The following SPATA7 variants were observed in gnomAD, a reference collection of about 807,000 sequenced individuals.
SPATA7 encodes the protein spermatogenesis associated 7.
Under a neutral mutation model 51.8 loss-of-function variants are expected in SPATA7, and 43 were observed. That is an observed-to-expected ratio of 0.83 (90% CI 0.65 to 1.07). The LOEUF (loss-of-function observed/expected upper bound fraction) is 1.07, where lower values mean the gene tolerates loss of function less well. Among genes scored for constraint, SPATA7 ranks in the 50% least tolerant of loss-of-function variants. The pLI is 0.00. For synonymous variants in SPATA7, 230 were observed against 252.8 expected (o/e 0.91, Z 0.86); for missense variants, 683 against 701.3 (o/e 0.97, Z 0.30).
chr14:88,446,834 C>T (rs1473388826), intron 3 of SPATA7, among the ~76,000 whole-genome samples: 1 of 151,706 alleles, frequency 6.6e-6, no homozygotes, highest in Non-Finnish European at 1.5e-5. Context: ...TTTGATTGCA[C>T]TGTGGTCTGA....
chr14:88,460,709 T>C (rs146484494), intron 4 of SPATA7, among the ~76,000 whole-genome samples: 5,780 of 152,278 alleles, frequency 0.038, 360 homozygotes, highest in African/African-American at 0.13. Flanking sequence ...TCTCTCAACT[T>C]GTCAAAGTCA....
At chr14:88,436,618 G>T (rs2077095212) in intron 10 of SPATA7, among the ~76,000 whole-genome samples, 1 of 152,042 alleles carries the variant, frequency 6.6e-6, no homozygotes, top group Non-Finnish European at 1.5e-5. Context: ...AGAGATAGGG[G>T]TCTAGTTTCA....
At chr14:88,448,741 GC>G (rs1214394993) in intron 3 of SPATA7, among the ~76,000 whole-genome samples, 1 of 152,116 alleles carries the variant, frequency 6.6e-6, no homozygotes, top group African/African-American at 2.4e-5. Context: ...GGAGTACCCA[GC>G]CGTGTGAGGT....
At chr14:88,458,415 C>T (rs867078364), downstream of SPATA7, among the ~76,000 whole-genome samples, 2 of 152,288 alleles carry the variant, frequency 1.3e-5, no homozygotes, top group South Asian at 2.1e-4. Context: ...TGTTATTGGT[C>T]TATTCAGAGA....
intron 5 of SPATA7, among the ~76,000 whole-genome samples, chr14:88,419,500 G>A (rs1203700293): frequency 6.8e-6 from 1 of 147,332 alleles, no homozygotes. Flanking sequence ...AGTATTTGGT[G>A]GGTCAGATTA....
Position 88,426,229 on chromosome 14 carries a change from T to TA in SPATA7, c.373-2dup, listed in dbSNP as rs1331276044. On this transcript the variant is annotated splice_region_variant and splice_polypyrimidine_tract_variant and intron_variant, in intron 5 of 11. Coordinates refer to ENST00000393545, the MANE Select transcript of SPATA7 (RefSeq NM_018418.5). ...TGATGACTGTCATATCGAATGTTCT[T>TA]AGCCCTCAGGCGAACCGCAAATTGA... 5 of 1,610,384 alleles carry TA rather than the reference T, an allele frequency of 3.1e-6. No homozygotes were observed. The highest frequency in any genetic ancestry group is 4.2e-6 in the Non-Finnish European group (5 of 1,177,008).
intron 3 of SPATA7, among the ~76,000 whole-genome samples, chr14:88,444,725 C>T (rs935467378): frequency 5.3e-5 from 8 of 152,162 alleles, no homozygotes; most frequent in African/African-American, 1.9e-4. Context: ...TTCCCAGCAC[C>T]ATTTATTAAA....
In SPATA7 at chr14:88,437,559, T is replaced by A; in HGVS notation, c.1177T>A (p.Phe393Ile). Reference protein sequence around the residue: ...LFSNRFLERLFERHIKQNKHL... With the variant: ...LFSNRFLERLIERHIKQNKHL... ...CATTTGTAGGTTTTTAGAACGACTG[T>A]TCGAGCGACATATAAAACAAAATAA... is the stretch of plus-strand genomic sequence containing the variant. Residue 393 changes from phenylalanine to isoleucine, a missense_variant, in exon 11 of 12, where the codon TTC becomes ATC. By Grantham distance (21) the Phe-to-Ile change is conservative. Transcript: ENST00000393545. 6.2e-7 allele frequency: 1 copy of A among 1,611,174 alleles called. No homozygotes were observed. Among genetic ancestry groups the A allele is most frequent in the Non-Finnish European group, 8.5e-7 (1 of 1,178,176 alleles).
chr14:88,454,168 G>T (rs1446330493), intron 3 of SPATA7, among the ~76,000 whole-genome samples: 2 of 152,150 alleles, frequency 1.3e-5, no homozygotes, highest in African/African-American at 4.8e-5. Flanking sequence ...TCAAGCTATT[G>T]CTGGAGCCAC....
At chr14:88,403,699 A>C (rs1268842991) in intron 4 of SPATA7, among the ~76,000 whole-genome samples, 1 of 152,212 alleles carries the variant, frequency 6.6e-6, no homozygotes, top group African/African-American at 2.4e-5. Context: ...TAAAGTGGGC[A>C]ACCTCAGAGA....
intron 4 of SPATA7, chr14:88,468,877 T>G: frequency 6.2e-7 from 1 of 1,613,284 alleles, no homozygotes; most frequent in Non-Finnish European, 8.5e-7. Context: ...CCAGCCTCAT[T>G]TCCACCCAAA....
rs921641297 is a variant in SPATA7 at position 88,463,802 on chromosome 14, T to G, written c.255-6045T>G. On this transcript the variant is annotated intron_variant, in intron 4 of 4. Coordinates refer to the SPATA7 transcript ENST00000556406. The stretch of plus-strand genomic sequence containing the variant: ...AAAACTCTCTCTACCCAAGTAGACA[T>G]GCAAACTTTGATCTGAATTTCCTGA... Among the ~76,000 whole-genome samples, 44 of 152,126 alleles carry G rather than the reference T, an allele frequency of 2.9e-4. 1 individual carries two copies. Among genetic ancestry groups the G allele is most frequent in the African/African-American group, 9.9e-4 (41 of 41,414 alleles).
intron 4 of SPATA7, among the ~76,000 whole-genome samples, chr14:88,401,446 A>G (rs1487917263): frequency 6.6e-6 from 1 of 152,202 alleles, no homozygotes; most frequent in Non-Finnish European, 1.5e-5. Context: ...TAAGGCAAGG[A>G]TTCCTCACTT....
At chr14:88,417,460 C>T (rs945979585) in intron 5 of SPATA7, among the ~76,000 whole-genome samples, 8 of 151,842 alleles carry the variant, frequency 5.3e-5, no homozygotes, top group African/African-American at 1.9e-4. Flanking sequence ...GCACCCACCA[C>T]GACTCCAGCT....
chr14:88,407,893 G>C (rs2076240010), intron 4 of SPATA7, among the ~76,000 whole-genome samples: 1 of 152,102 alleles, frequency 6.6e-6, no homozygotes, highest in South Asian at 2.1e-4. Flanking sequence ...ATTTTTCTCA[G>C]ATTTGTCAAA....
chr14:88,408,082 G>A (rs955360335), intron 4 of SPATA7, among the ~76,000 whole-genome samples: 1 of 152,042 alleles, frequency 6.6e-6, no homozygotes, highest in African/African-American at 2.4e-5. Flanking sequence ...GATTGTCTTG[G>A]ATATACGGGC....
chr14:88,424,186 G>T (rs1245940001), intron 5 of SPATA7, among the ~76,000 whole-genome samples: 1 of 152,006 alleles, frequency 6.6e-6, no homozygotes, highest in Non-Finnish European at 1.5e-5. Flanking sequence ...TTCATGTTTT[G>T]GGATTCTACC....
At chr14:88,433,254 T>C in intron 10 of SPATA7, 42 bp downstream of exon 10, 1 of 1,326,508 alleles carries the variant, frequency 7.5e-7, no homozygotes. Flanking sequence ...AGGAGTACAT[T>C]AAATATTCTT....
At chr14:88,411,402 G>A (rs1167048651) in intron 4 of SPATA7, among the ~76,000 whole-genome samples, 1 of 152,136 alleles carries the variant, frequency 6.6e-6, no homozygotes, top group African/African-American at 2.4e-5. Flanking sequence ...TGGCATTCCA[G>A]TTGCCACTGG....
Sources: allele counts gnomAD v4.1 joint callset (sites outside exome capture counted in the v4.1 genomes callset), GRCh38; gene constraint gnomAD v4.1.1; transcripts MANE v1.5; gene names NCBI Gene and HGNC (gene_info 2026-07-23, HGNC 2026-07-21).